The following DUSP10 variants were observed in gnomAD, a reference collection of about 807,000 sequenced individuals.
DUSP10 encodes the protein dual specificity protein phosphatase 10.
Under a neutral mutation model 30.8 loss-of-function variants are expected in DUSP10, and 14 were observed. That is an observed-to-expected ratio of 0.46 (90% CI 0.30 to 0.71). The LOEUF is 0.71. Ranked by LOEUF, DUSP10 falls within the 30% of genes least tolerant of loss-of-function variation. DUSP10 has a pLI of 0.08. For synonymous variants in DUSP10, 254 were observed against 250.4 expected (o/e 1.01, Z -0.14); for missense variants, 550 against 619.4 (o/e 0.89, Z 1.19).
rs182236491 is a variant in DUSP10 at position 221,739,664 on chromosome 1, T to C, written c.81A>G (p.Leu27=). The C allele has an allele frequency of 6.2e-7, 1 of 1,614,018 alleles. No homozygotes were observed. The highest frequency in any genetic ancestry group is 8.5e-7 in the Non-Finnish European group (1 of 1,180,020). The change falls in exon 2 of 4, where the codon TTA becomes TTG. Residue 27 remains leucine (L), a synonymous_variant. Coordinates refer to ENST00000366899, the MANE Select transcript of DUSP10 (RefSeq NM_007207.6). ...TGGCAGAGCCAAGGTAACTAGAGTC[T>C]AAACAAAGGTTGAGATCCTGAGGTC... is the stretch of plus-strand genomic sequence containing the variant. ...PVRPQDLNLC[L]DSSYLGSANP... is the part of the protein sequence containing the mutation.
chr1:221,726,676 A>C (rs547547253), intron 2 of DUSP10, among the ~76,000 whole-genome samples: 20 of 151,362 alleles, frequency 1.3e-4, no homozygotes, highest in African/African-American at 4.9e-4. Context: ...AATAGCATAT[A>C]ATTTTTCAGC....
At chr1:221,708,941 A>C (rs993864632) in intron 2 of DUSP10, among the ~76,000 whole-genome samples, 1 of 152,116 alleles carries the variant, frequency 6.6e-6, no homozygotes, top group Non-Finnish European at 1.5e-5. Flanking sequence ...AAGCAGGGGA[A>C]AAACCTCTCT....
chr1:221,707,947 GGCAT>G (rs1660815631), intron 2 of DUSP10, among the ~76,000 whole-genome samples: 1 of 152,094 alleles, frequency 6.6e-6, no homozygotes, highest in South Asian at 2.1e-4. Context: ...TACACACAAT[GGCAT>G]GCACAGATAA....
At chr1:221,703,437 C>G (rs974138703) in intron 3 of DUSP10, among the ~76,000 whole-genome samples, 2 of 152,152 alleles carry the variant, frequency 1.3e-5, no homozygotes, top group Non-Finnish European at 2.9e-5. Context: ...AGGAATAAAG[C>G]TTAACTAGGA....
In DUSP10 at chr1:221,706,182, C is replaced by G; in HGVS notation, c.1096G>C (p.Gly366Arg). The G allele has an allele frequency of 1.2e-5, 19 of 1,614,054 alleles. No homozygotes were observed. Among genetic ancestry groups the G allele is most frequent in the Non-Finnish European group, 1.6e-5 (19 of 1,179,998 alleles). The stretch of plus-strand genomic sequence containing the variant: ...GGCAGCCGCTTGTAGTTGAACAGGC[C>G]TTTCTCATAGTGGTAGAGGGGAAGA... ...THLPLYHYEKGLFNYKRLPAT... is the reference protein window; with the variant it reads ...THLPLYHYEKRLFNYKRLPAT... Residue 366 changes from glycine (G) to arginine (R), a missense_variant, in exon 3 of 4, where the codon GGC becomes CGC. Coordinates refer to ENST00000366899, the MANE Select transcript of DUSP10 (RefSeq NM_007207.6). This position sits in a 1 kb window ranked among gnomAD's most constrained non-coding sequence, Gnocchi z 4.6.
In DUSP10 at chr1:221,736,903, C is replaced by T. The variant is rs376571857; in HGVS notation, c.811+2031G>A. ...CGGTGTCTCACCAACTCGAAAATGA[C>T]GAGGCCTCGCAGTGGCTGCCCAGGG... is the stretch of plus-strand genomic sequence containing the variant. On this transcript the variant is annotated intron_variant, in intron 2 of 3. Coordinates refer to ENST00000366899, the MANE Select transcript of DUSP10 (RefSeq NM_007207.6). 7 of 985,450 alleles carry T rather than the reference C, an allele frequency of 7.1e-6. No individual in the cohort carries two copies. In the South Asian group the frequency reaches 1.4e-4, roughly 20 times the overall value. 61.0% of individuals were successfully genotyped at this position (985,450 alleles called of 1,614,324 possible).
chr1:221,707,937 T>C (rs972617877), intron 2 of DUSP10, among the ~76,000 whole-genome samples: 60 of 152,316 alleles, frequency 3.9e-4, no homozygotes, highest in African/African-American at 1.3e-3. Context: ...CTAATATTTT[T>C]ACACACAATG....
intron 2 of DUSP10, among the ~76,000 whole-genome samples, chr1:221,709,020 C>A (rs1359487358): frequency 1.0e-4 from 13 of 126,496 alleles, no homozygotes; most frequent in African/African-American, 2.7e-4. Flanking sequence ...AAAAAAAAAA[C>A]CAACACATGC....
chr1:221,713,447 C>T (rs757434967), intron 2 of DUSP10, among the ~76,000 whole-genome samples: 2 of 151,990 alleles, frequency 1.3e-5, no homozygotes, highest in African/African-American at 2.4e-5. Flanking sequence ...GCCAAAAATA[C>T]ATTTCTGGTA....
At chr1:221,715,279 C>CAAGAAATCTGAT (rs1661064235) in intron 2 of DUSP10, among the ~76,000 whole-genome samples, 1 of 152,180 alleles carries the variant, frequency 6.6e-6, no homozygotes, top group Non-Finnish European at 1.5e-5. Flanking sequence ...AATTGGAGGC[C>CAAGAAATCTGAT]TTCCAAGAAA....
intron 2 of DUSP10, among the ~76,000 whole-genome samples, chr1:221,732,777 C>A (rs557831647): frequency 1.3e-5 from 2 of 152,292 alleles, no homozygotes; most frequent in Non-Finnish European, 2.9e-5. Flanking sequence ...TTAAAAAAAT[C>A]TTGATGTGCA....
Position 221,702,663 on chromosome 1 carries a change from A to G in DUSP10, c.1198T>C (p.Cys400Arg). The change falls in exon 4 of 4, where the codon TGT becomes CGT. Residue 400 changes from cysteine (C) to arginine (R), a missense_variant. Cys to Arg is a radical substitution (Grantham distance 180). Transcript: ENST00000366899. This position sits in a 1 kb window ranked among gnomAD's most constrained non-coding sequence, Gnocchi z 4.5. ...CAGTGGATGAGAAGCCCCTTCCCAC[A>G]CTGGTGAGCTTCCTCTGAAAAAAGG... ...AFEFIEEAHQ[C>R]GKGLLIHCQA... 1.2e-6 allele frequency: 2 copies of G among 1,614,088 alleles called. No individual in the cohort carries two copies. The highest frequency in any genetic ancestry group is 1.7e-6 in the Non-Finnish European group (2 of 1,179,928).
intron 2 of DUSP10, among the ~76,000 whole-genome samples, chr1:221,712,614 C>T (rs2102622387): frequency 6.6e-6 from 1 of 152,102 alleles, no homozygotes; most frequent in South Asian, 2.1e-4. Context: ...TACCCATCCA[C>T]ATTATTTGGC....
intron 2 of DUSP10, among the ~76,000 whole-genome samples, chr1:221,710,472 A>G (rs1006820188): frequency 2.0e-4 from 30 of 152,284 alleles, no homozygotes; most frequent in African/African-American, 6.7e-4. Context: ...AACAATGTCC[A>G]GCACATTGTA....
At chr1:221,719,192 A>G (rs2102631488) in intron 2 of DUSP10, among the ~76,000 whole-genome samples, 1 of 152,344 alleles carries the variant, frequency 6.6e-6, no homozygotes, top group Non-Finnish European at 1.5e-5. Context: ...TCAGCATCAA[A>G]ATTTGAATTG....
At chr1:221,727,122 C>T (rs1661445764) in intron 2 of DUSP10, among the ~76,000 whole-genome samples, 1 of 152,152 alleles carries the variant, frequency 6.6e-6, no homozygotes. Context: ...AGAATTCAAA[C>T]TCAGCAGCCT....
At chr1:221,711,629 T>C (rs1017791399) in intron 2 of DUSP10, 2 of 152,240 alleles carry the variant, frequency 1.3e-5, no homozygotes, top group African/African-American at 4.8e-5. Flanking sequence ...CTGACTCCTA[T>C]CACTTACCTT....
intron 3 of DUSP10, among the ~76,000 whole-genome samples, chr1:221,703,221 A>G (rs67971266): frequency 0.019 from 2,321 of 121,872 alleles, 67 homozygotes; most frequent in African/African-American, 0.077. Context: ...GTGTGTGTGT[A>G]TATATATATA....
At chr1:221,724,134 T>C (rs1661355310) in intron 2 of DUSP10, among the ~76,000 whole-genome samples, 1 of 152,240 alleles carries the variant, frequency 6.6e-6, no homozygotes, top group Non-Finnish European at 1.5e-5. Flanking sequence ...TTCTCTATTA[T>C]ACAACAGTTT....
Sources: gnomAD v4.1 joint callset for allele counts (sites outside exome capture counted in the v4.1 genomes callset) on GRCh38, gnomAD v4.1.1 for gene constraint, Gnocchi (gnomAD v3.1) non-coding constraint, MANE v1.5 for transcripts, NCBI Gene and HGNC (gene_info 2026-07-23, HGNC 2026-07-21) for gene names.